OSBPL1A: variants seen among roughly 807,000 people sequenced by gnomAD.
OSBPL1A encodes the protein oxysterol binding protein like 1A, also known as oxysterol-binding protein-related protein 1.
In OSBPL1A, 80 loss-of-function variants were observed where a neutral mutation model predicts 137.1. The ratio of observed to expected loss-of-function variants is 0.58; its 90% CI spans 0.49 to 0.70. OSBPL1A has a LOEUF of 0.70. OSBPL1A is among the 30% of genes least tolerant of loss of function. OSBPL1A has a pLI of 0.00. For synonymous variants in OSBPL1A, 365 were observed against 389.7 expected (o/e 0.94, Z 0.75); for missense variants, 970 against 1,129.4 (o/e 0.86, Z 2.02).
At chr18:24,192,219 A>G (rs892663359) in intron 18 of OSBPL1A, among the ~76,000 whole-genome samples, 6 of 152,140 alleles carry the variant, frequency 3.9e-5, no homozygotes, top group Admixed American at 3.9e-4. Flanking sequence ...CTGAGCATGA[A>G]CACCAACGAC....
chr18:24,224,540 A>G (rs1334259957), intron 17 of OSBPL1A, among the ~76,000 whole-genome samples: 1 of 152,198 alleles, frequency 6.6e-6, no homozygotes, highest in Non-Finnish European at 1.5e-5. Flanking sequence ...AAACATACTA[A>G]TGTTATTAGA....
intron 14 of OSBPL1A, among the ~76,000 whole-genome samples, chr18:24,302,130 A>T (rs1202049408): frequency 6.6e-6 from 1 of 150,898 alleles, no homozygotes; most frequent in African/African-American, 2.4e-5. Context: ...GCTACTCTGG[A>T]GGCTGAGGCA....
In OSBPL1A at chr18:24,376,575, G is replaced by T. The variant is rs748924609; in HGVS notation, c.121+838C>A. Among the ~76,000 whole-genome samples the T allele has an allele frequency of 3.1e-3, 473 of 152,330 alleles. 1 individual carries two copies. Among genetic ancestry groups the T allele is most frequent in the African/African-American group, 0.011 (460 of 41,580 alleles). ...GCTGCCTGCCAGTCCTGCACCATGCGCCCGCACTCCTCAGCCCTTGGGTGG... is the reference window on the plus strand; with the variant it reads ...GCTGCCTGCCAGTCCTGCACCATGCTCCCGCACTCCTCAGCCCTTGGGTGG... On this transcript the variant is annotated intron_variant, in intron 2 of 27. Transcript: ENST00000319481.
intron 7 of OSBPL1A, among the ~76,000 whole-genome samples, chr18:24,320,166 T>G (rs111819555): frequency 3.3e-5 from 5 of 152,114 alleles, no homozygotes; most frequent in African/African-American, 1.2e-4. Context: ...GTGTTGGCAA[T>G]TTTTTTGTAT....
chr18:24,237,315 T>G (rs2088515971), intron 16 of OSBPL1A, among the ~76,000 whole-genome samples: 1 of 152,298 alleles, frequency 6.6e-6, no homozygotes, highest in South Asian at 2.1e-4. Context: ...AGGTTTTTTT[T>G]TGTTTGAGAC....
intron 2 of OSBPL1A, among the ~76,000 whole-genome samples, chr18:24,369,158 T>A (rs1372952877): frequency 6.6e-6 from 1 of 152,192 alleles, no homozygotes; most frequent in Non-Finnish European, 1.5e-5. Context: ...ACTCTACAGA[T>A]AGTGCCTGAA....
intron 11 of OSBPL1A, among the ~76,000 whole-genome samples, chr18:24,315,726 T>C (rs1460095332): frequency 8.2e-6 from 1 of 122,230 alleles, no homozygotes; most frequent in African/African-American, 3.2e-5. Flanking sequence ...ATATATGTAA[T>C]ATATTATATA....
rs186544402 is a variant in OSBPL1A at position 24,301,819 on chromosome 18, G to A, written c.1174+1818C>T. On this transcript the variant is annotated intron_variant, in intron 14 of 27. Transcript: ENST00000319481. ...TAAAGAGATGCCATAGGTACACTTG[G>A]ACAGATACAGAATACTTATGGTCCA... Among the ~76,000 whole-genome samples, 237 of 152,254 alleles carry A rather than the reference G, an allele frequency of 1.6e-3. 1 individual carries two copies. Among genetic ancestry groups the A allele is most frequent in the African/African-American group, 5.2e-3 (218 of 41,552 alleles).
chr18:24,392,864 T>C (rs1216564794), intron 1 of OSBPL1A, among the ~76,000 whole-genome samples: 1 of 152,146 alleles, frequency 6.6e-6, no homozygotes, highest in African/African-American at 2.4e-5. Context: ...CTAATTTTTG[T>C]ATCTTTTATA....
chr18:24,303,014 A>T (rs1568012513), intron 14 of OSBPL1A, among the ~76,000 whole-genome samples: 1 of 151,030 alleles, frequency 6.6e-6, no homozygotes, highest in Non-Finnish European at 1.5e-5. Flanking sequence ...TGTGTGTGTG[A>T]GAGAGAGACA....
At chr18:24,394,656 T>C (rs1907605533) in intron 1 of OSBPL1A, among the ~76,000 whole-genome samples, 1 of 152,210 alleles carries the variant, frequency 6.6e-6, no homozygotes, top group South Asian at 2.1e-4. Context: ...ATTTCAATTA[T>C]TTCACATTTG....
chr18:24,360,753 G>A (rs2091609247), intron 4 of OSBPL1A, among the ~76,000 whole-genome samples: 1 of 152,094 alleles, frequency 6.6e-6, no homozygotes, highest in Non-Finnish European at 1.5e-5. Flanking sequence ...ACCTCCTAAA[G>A]ATGTGCATAG....
In OSBPL1A at chr18:24,180,818, C is replaced by A. The variant is rs189573625; in HGVS notation, c.1812+327G>T. 3.2e-3 allele frequency among the ~76,000 whole-genome samples: 492 copies of A among 152,118 alleles called. 2 individuals carry two copies. The highest frequency in any genetic ancestry group is 4.1e-3 in the Non-Finnish European group (281 of 67,960). ...CGGGAACCTGGGAGGCGGAGCTTGC[C>A]GTGAGCCGAGATTGCACCACTGCAC... On this transcript the variant is annotated intron_variant, in intron 19 of 27. Coordinates refer to ENST00000319481, the MANE Select transcript of OSBPL1A (RefSeq NM_080597.4).
intron 16 of OSBPL1A, among the ~76,000 whole-genome samples, chr18:24,235,542 C>T (rs8089241): frequency 0.035 from 5,270 of 152,150 alleles, 298 homozygotes; most frequent in African/African-American, 0.12. Flanking sequence ...GGCCAGGCCT[C>T]GATTCTATGT....
intron 17 of OSBPL1A, among the ~76,000 whole-genome samples, chr18:24,202,709 G>C (rs1175565468): frequency 3.3e-5 from 5 of 152,008 alleles, no homozygotes; most frequent in Non-Finnish European, 1.5e-5. Flanking sequence ...CAGAACAAAA[G>C]GTAAATTTCT....
In OSBPL1A at chr18:24,289,514, C is replaced by T. The variant is rs142795256; in HGVS notation, c.1175-8566G>A. 1.4e-3 allele frequency among the ~76,000 whole-genome samples: 207 copies of T among 150,560 alleles called. 3 individuals carry two copies. The East Asian group carries it at 0.032, about 23-fold the overall frequency. On this transcript the variant is annotated intron_variant, in intron 14 of 27. Coordinates refer to ENST00000319481, the MANE Select transcript of OSBPL1A (RefSeq NM_080597.4). Reference sequence around the variant, plus strand: ...TTGGCTCACTGTAACCCCCACCTCCCGGGTTCAAGCAATTCTCCTGCCTCA... The same window carrying T: ...TTGGCTCACTGTAACCCCCACCTCCTGGGTTCAAGCAATTCTCCTGCCTCA...
intron 15 of OSBPL1A, among the ~76,000 whole-genome samples, chr18:24,277,078 G>C (rs2089860126): frequency 6.6e-6 from 1 of 152,090 alleles, no homozygotes; most frequent in South Asian, 2.1e-4. Context: ...GAAAAATCAA[G>C]AGAGGTAATT....
intron 16 of OSBPL1A, among the ~76,000 whole-genome samples, chr18:24,234,034 C>T (rs191896141): frequency 1.8e-4 from 27 of 152,110 alleles, no homozygotes; most frequent in Non-Finnish European, 2.9e-4. Flanking sequence ...TAATTCTGCC[C>T]GGAGGAGTCA....
intron 4 of OSBPL1A, among the ~76,000 whole-genome samples, chr18:24,365,025 C>CAAAAAAAAAAAAAAA (rs56400717): frequency 2.6e-4 from 23 of 89,502 alleles, no homozygotes; most frequent in East Asian, 3.8e-4. Context: ...AAAACAACAA[C>CAAAAAAAAAAAAAAA]AAAAAAAAAA....
Sources: gnomAD v4.1 joint callset for allele counts (sites outside exome capture counted in the v4.1 genomes callset) on GRCh38, gnomAD v4.1.1 for gene constraint, MANE v1.5 for transcripts, NCBI Gene and HGNC (gene_info 2026-07-23, HGNC 2026-07-21) for gene names.